The following CHCHD3 variants were observed in gnomAD, a reference collection of about 807,000 sequenced individuals.
CHCHD3 encodes MICOS complex subunit MIC19.
CHCHD3 carries 20 observed loss-of-function variants against 38.2 expected under a neutral mutation model. That is an observed-to-expected ratio of 0.52 (90% CI 0.37 to 0.76). The LOEUF (loss-of-function observed/expected upper bound fraction) is 0.76, where lower values mean the gene tolerates loss of function less well. Among genes scored for constraint, CHCHD3 ranks in the 30% least tolerant of loss-of-function variants. The pLI is 0.00. For synonymous variants in CHCHD3, 82 were observed against 100.0 expected, an observed-to-expected ratio of 0.82 and a Z score of 1.07; for missense variants, 245 against 279.2, an observed-to-expected ratio of 0.88 and a Z score of 0.87.
At chr7:132,981,446 T>C (rs1375205117) in intron 3 of CHCHD3, among the ~76,000 whole-genome samples, 1 of 152,264 alleles carries the variant, frequency 6.6e-6, no homozygotes, top group African/African-American at 2.4e-5. Flanking sequence ...TCCATTATAC[T>C]ACTCACCTTT....
At chr7:132,844,329 T>C (rs1233850861) in intron 5 of CHCHD3, among the ~76,000 whole-genome samples, 1 of 152,136 alleles carries the variant, frequency 6.6e-6, no homozygotes, top group Admixed American at 6.5e-5. Context: ...GAAAGAAAGA[T>C]GTCCATGATC....
chr7:132,956,462 C>T (rs768745958), intron 4 of CHCHD3, among the ~76,000 whole-genome samples: 1 of 151,940 alleles, frequency 6.6e-6, no homozygotes, highest in Non-Finnish European at 1.5e-5. Flanking sequence ...TAAAGAAGAG[C>T]GAGAAGAAAA....
chr7:133,035,847 C>A lies in CHCHD3; in HGVS notation c.170-11220G>T, dbSNP rs949970021. 6.1e-5 allele frequency: 98 copies of A among 1,613,108 alleles called. No individual in the cohort carries two copies. The highest frequency in any genetic ancestry group is 1.6e-4 in the Middle Eastern group (1 of 6,074). On this transcript the variant is annotated intron_variant, in intron 2 of 7. Transcript: ENST00000262570. This position sits in a 1 kb window ranked among gnomAD's most constrained non-coding sequence, Gnocchi z 4.7. ...GGAGAGCACGCGGATCTGAGCCCCGCTGTACTGAGCAGCGATGAGAGCCTT... is the reference window on the plus strand; with the variant it reads ...GGAGAGCACGCGGATCTGAGCCCCGATGTACTGAGCAGCGATGAGAGCCTT...
At chr7:132,927,842 A>AT (rs1810412254) in intron 4 of CHCHD3, among the ~76,000 whole-genome samples, 1 of 152,132 alleles carries the variant, frequency 6.6e-6, no homozygotes, top group Non-Finnish European at 1.5e-5. Flanking sequence ...CTTCCTTTTA[A>AT]TTTTTTAAAA....
At chr7:132,930,604 G>A (rs569084053) in intron 4 of CHCHD3, among the ~76,000 whole-genome samples, 7 of 152,008 alleles carry the variant, frequency 4.6e-5, no homozygotes, top group Admixed American at 2.0e-4. Context: ...AACATATTTC[G>A]CCCTTTCTTC....
intron 3 of CHCHD3, among the ~76,000 whole-genome samples, chr7:132,984,110 CG>C (rs1812004827): frequency 1.3e-5 from 2 of 151,722 alleles, no homozygotes; most frequent in South Asian, 4.2e-4. Flanking sequence ...CCCCTGATGC[CG>C]AGCCAAAGCT....
chr7:133,006,960 A>AT (rs1411020401), intron 3 of CHCHD3, among the ~76,000 whole-genome samples: 1 of 151,888 alleles, frequency 6.6e-6, no homozygotes, highest in Non-Finnish European at 1.5e-5. Flanking sequence ...ACCACTTGTT[A>AT]TTTTTTTTCT....
chr7:133,049,252 T>A (rs1310037087), intron 2 of CHCHD3, among the ~76,000 whole-genome samples: 1 of 152,206 alleles, frequency 6.6e-6, no homozygotes, highest in African/African-American at 2.4e-5. Flanking sequence ...ATCTGTTATA[T>A]AACTACAGCA....
intron 3 of CHCHD3, among the ~76,000 whole-genome samples, chr7:133,010,338 G>A (rs913592019): frequency 2.0e-5 from 3 of 152,108 alleles, no homozygotes; most frequent in African/African-American, 7.2e-5. Context: ...CTTCATCAGA[G>A]GGCTCTCGGG....
rs552239691 is a variant in CHCHD3, at chr7:133,021,712, T to C, written c.251+2834A>G. Among the ~76,000 whole-genome samples the C allele has an allele frequency of 3.8e-4, 58 of 152,302 alleles. 1 individual carries two copies. The highest frequency in any genetic ancestry group is 1.4e-3 in the African/African-American group (58 of 41,552). ...ACCACATATGTAGAGTGACTAGATA[T>C]GTGGATGAAACAAGAATTGTTACAA... is the stretch of plus-strand genomic sequence containing the variant. On this transcript the variant is annotated intron_variant, in intron 3 of 7. Coordinates refer to ENST00000262570, the MANE Select transcript of CHCHD3 (RefSeq NM_017812.4).
At chr7:133,072,264 A>T (rs200259750) in intron 1 of CHCHD3, among the ~76,000 whole-genome samples, 3 of 632 alleles carry the variant, frequency 4.7e-3, no homozygotes, top group Non-Finnish European at 0.033. Flanking sequence ...AATAAACTTT[A>T]AAAAAAAAAA....
At chr7:132,968,177 G>T (rs987632760) in intron 4 of CHCHD3, among the ~76,000 whole-genome samples, 2 of 152,280 alleles carry the variant, frequency 1.3e-5, no homozygotes, top group East Asian at 3.9e-4. Flanking sequence ...GGCCACACGT[G>T]ATAACAAAGA....
intron 4 of CHCHD3, chr7:132,886,960 G>A: frequency 2.3e-6 from 3 of 1,298,578 alleles, no homozygotes; most frequent in Non-Finnish European, 2.9e-6. Context: ...ATAGGTTATT[G>A]TTTTGCTACT....
chr7:133,077,498 C>T (rs1488974989), intron 1 of CHCHD3, among the ~76,000 whole-genome samples: 2 of 152,180 alleles, frequency 1.3e-5, no homozygotes, highest in African/African-American at 4.8e-5. Context: ...AGCCCAGCTG[C>T]GGACATTCGT....
chr7:133,033,426 A>G (rs1373745347), intron 2 of CHCHD3, among the ~76,000 whole-genome samples: 1 of 151,964 alleles, frequency 6.6e-6, no homozygotes. Flanking sequence ...GCTTCCCTCA[A>G]ATTCCTAAAG....
At chr7:133,061,637 GA>G (rs1295845178) in intron 2 of CHCHD3, among the ~76,000 whole-genome samples, 1 of 152,148 alleles carries the variant, frequency 6.6e-6, no homozygotes, top group African/African-American at 2.4e-5. Context: ...CAATCTGTCA[GA>G]TGTTTCAAAC....
Position 133,046,926 on chromosome 7 carries a change from T to C in CHCHD3, c.170-22299A>G, listed in dbSNP as rs544841099. ...TTCACCAGAATGCCAAAGTGCAACT[T>C]GGCACAAAGCAGGTTAAGAACCTTT... On this transcript the variant is annotated intron_variant, in intron 2 of 7. Transcript: ENST00000262570. Among the ~76,000 whole-genome samples the C allele has an allele frequency of 7.9e-5, 12 of 152,306 alleles. No homozygotes were observed. In the South Asian group the frequency reaches 2.5e-3, roughly 32 times the overall value.
chr7:132,967,423 C>A (rs759799091), intron 4 of CHCHD3, among the ~76,000 whole-genome samples: 4 of 152,040 alleles, frequency 2.6e-5, no homozygotes, highest in Non-Finnish European at 4.4e-5. Flanking sequence ...CCACTGCTCT[C>A]CACCTCCAGG....
chr7:133,079,934 G>A (rs1815119090), intron 1 of CHCHD3, among the ~76,000 whole-genome samples: 2 of 152,146 alleles, frequency 1.3e-5, no homozygotes, highest in Admixed American at 1.3e-4. Context: ...GGCTAAGTAT[G>A]GCTACAAGAA....
Sources: gnomAD v4.1 joint callset for allele counts (sites outside exome capture counted in the v4.1 genomes callset) on GRCh38, gnomAD v4.1.1 for gene constraint, Gnocchi (gnomAD v3.1) non-coding constraint, MANE v1.5 for transcripts, NCBI Gene and HGNC (gene_info 2026-07-23, HGNC 2026-07-21) for gene names.